The following TMEM132B variants were observed in gnomAD, a reference collection of about 807,000 sequenced individuals.
TMEM132B encodes the protein transmembrane protein 132B.
A neutral mutation model predicts 90.8 loss-of-function variants in TMEM132B; 18 were observed. The observed-to-expected ratio is 0.20, with a 90% CI of 0.14 to 0.29. The LOEUF (loss-of-function observed/expected upper bound fraction) is 0.29. Ranked by LOEUF, TMEM132B falls within the 10% of genes least tolerant of loss-of-function variation. TMEM132B has a pLI of 1.00. For missense variants in TMEM132B, 1,096 were observed against 1,326.8 expected (o/e 0.83, Z 2.70); for synonymous variants, 504 against 523.3 (o/e 0.96, Z 0.50).
chr12:125,283,431 G>C (rs1295587691), intron 1 of TMEM132B, among the ~76,000 whole-genome samples: 1 of 152,102 alleles, frequency 6.6e-6, no homozygotes, highest in Non-Finnish European at 1.5e-5. Flanking sequence ...TCCGTCTTCT[G>C]TTCCTGCTGT....
intron 4 of TMEM132B, among the ~76,000 whole-genome samples, chr12:125,554,610 A>G (rs1341806206): frequency 6.6e-6 from 1 of 152,000 alleles, no homozygotes; most frequent in African/African-American, 2.4e-5. Context: ...AATGCTGTGA[A>G]ATATCTCCAA....
chr12:125,330,487 G>C (rs1420527751), intron 1 of TMEM132B, among the ~76,000 whole-genome samples: 1 of 151,210 alleles, frequency 6.6e-6, no homozygotes, highest in Non-Finnish European at 1.5e-5. Flanking sequence ...AATTTACAAA[G>C]AAAGAAAAAA....
At chr12:125,540,625 A>G (rs1883928845) in intron 4 of TMEM132B, among the ~76,000 whole-genome samples, 1 of 152,194 alleles carries the variant, frequency 6.6e-6, no homozygotes, top group African/African-American at 2.4e-5. Context: ...TGTTATAGCC[A>G]CTGTGGCTAT....
chr12:125,591,240 A>G lies in TMEM132B; in HGVS notation c.1437+7246A>G, dbSNP rs114626815. 3.2e-3 allele frequency among the ~76,000 whole-genome samples: 483 copies of G among 152,312 alleles called. 2 individuals carry two copies. The highest frequency in any genetic ancestry group is 0.011 in the African/African-American group (467 of 41,568). On this transcript the variant is annotated intron_variant, in intron 5 of 8. Coordinates refer to ENST00000682704, the MANE Select transcript of TMEM132B (RefSeq NM_001366854.1). ...CAGTTCTGGAGGTCAGAAGTCTAAA[A>G]TAGGTCAGTACGGCTGCATTCCTTC... is the stretch of plus-strand genomic sequence containing the variant.
At chr12:125,401,621 C>T (rs546119443) in intron 2 of TMEM132B, among the ~76,000 whole-genome samples, 6 of 152,202 alleles carry the variant, frequency 3.9e-5, no homozygotes, top group African/African-American at 7.2e-5. Context: ...TTAGGAACCA[C>T]GAGGAGCCAG....
At chr12:125,488,779 T>A (rs967317845) in intron 3 of TMEM132B, among the ~76,000 whole-genome samples, 4 of 152,216 alleles carry the variant, frequency 2.6e-5, no homozygotes, top group African/African-American at 9.6e-5. Flanking sequence ...CTGGGAAGGT[T>A]TTTCTGGACT....
At chr12:125,563,594 C>A (rs1188804761) in intron 4 of TMEM132B, among the ~76,000 whole-genome samples, 1 of 149,624 alleles carries the variant, frequency 6.7e-6, no homozygotes, top group African/African-American at 2.5e-5. Context: ...AACAAACAAA[C>A]AAACAAAAAA....
intron 2 of TMEM132B, among the ~76,000 whole-genome samples, chr12:125,396,811 T>TA (rs1472240276): frequency 2.0e-5 from 3 of 152,140 alleles, no homozygotes; most frequent in Non-Finnish European, 4.4e-5. Context: ...ACCTGGCCAG[T>TA]ACTGTCATTA....
At chr12:125,449,274 A>G (rs1384328448) in intron 3 of TMEM132B, among the ~76,000 whole-genome samples, 1 of 152,094 alleles carries the variant, frequency 6.6e-6, no homozygotes, top group African/African-American at 2.4e-5. Context: ...GCCCATTCAT[A>G]TATCTTTGAG....
At chr12:125,439,726 G>A (rs1339900481) in intron 3 of TMEM132B, among the ~76,000 whole-genome samples, 1 of 152,204 alleles carries the variant, frequency 6.6e-6, no homozygotes. Flanking sequence ...TGGTGAAAGA[G>A]TGCATCCTTG....
In TMEM132B at chr12:125,251,620, T is replaced by A. The variant is rs1160130495; in HGVS notation, c.67+64754T>A. ...ATTATAAACTCAACGAGGCAACTGATACCCAGGCTCGGGGCTGCTGAGACA... is the reference window on the plus strand; with the variant it reads ...ATTATAAACTCAACGAGGCAACTGAAACCCAGGCTCGGGGCTGCTGAGACA... On this transcript the variant is annotated intron_variant, in intron 1 of 8. Transcript: ENST00000682704. This position sits in a 1 kb window ranked among gnomAD's most constrained non-coding sequence, Gnocchi z 4.4. Among the ~76,000 whole-genome samples, 1 of 152,182 alleles carries A rather than the reference T, an allele frequency of 6.6e-6. No individual in the cohort carries two copies. Among genetic ancestry groups the A allele is most frequent in the Non-Finnish European group, 1.5e-5 (1 of 68,040 alleles).
chr12:125,393,899 C>T (rs1454287259), intron 2 of TMEM132B, among the ~76,000 whole-genome samples: 2 of 152,196 alleles, frequency 1.3e-5, no homozygotes, highest in African/African-American at 4.8e-5. Context: ...TGTCTAATCT[C>T]CTACTGTCTC....
chr12:125,534,091 T>C (rs1566065931), intron 4 of TMEM132B, among the ~76,000 whole-genome samples: 1 of 152,214 alleles, frequency 6.6e-6, no homozygotes, highest in African/African-American at 2.4e-5. Context: ...ATATTCTGTG[T>C]GCTGGGTTTT....
At chr12:125,242,357 T>C (rs1200321423) in intron 1 of TMEM132B, among the ~76,000 whole-genome samples, 1 of 152,152 alleles carries the variant, frequency 6.6e-6, no homozygotes, top group Non-Finnish European at 1.5e-5. Flanking sequence ...TGCTATGTTT[T>C]CCAGGCTGGT....
chr12:125,345,301 C>G (rs967359866), intron 1 of TMEM132B, among the ~76,000 whole-genome samples: 2 of 152,174 alleles, frequency 1.3e-5, no homozygotes, highest in Non-Finnish European at 2.9e-5. Context: ...GGCAAGTTAG[C>G]TCCCAGACAT....
chr12:125,629,317 T>G (rs1287166732), intron 5 of TMEM132B, among the ~76,000 whole-genome samples: 1 of 152,134 alleles, frequency 6.6e-6, no homozygotes, highest in Non-Finnish European at 1.5e-5. Context: ...CTTTAATTTC[T>G]TTCATCAGTG....
At chr12:125,234,919 C>CAATGTAGTTGTGAGGAAGGGGTTG (rs1352742658) in intron 1 of TMEM132B, among the ~76,000 whole-genome samples, 4 of 152,098 alleles carry the variant, frequency 2.6e-5, no homozygotes, top group Admixed American at 1.3e-4. Flanking sequence ...GCATTGTGAA[C>CAATGTAGTTGTGAGGAAGGGGTTG]AATGTAGTTG....
At chr12:125,562,749 A>C (rs930509125) in intron 4 of TMEM132B, among the ~76,000 whole-genome samples, 1 of 152,122 alleles carries the variant, frequency 6.6e-6, no homozygotes. Context: ...TGGTTCTATA[A>C]GGGGAAACCC....
chr12:125,244,010 A>G (rs1448524788), intron 1 of TMEM132B, among the ~76,000 whole-genome samples: 2 of 152,052 alleles, frequency 1.3e-5, no homozygotes, highest in Non-Finnish European at 2.9e-5. Flanking sequence ...ATGGAATCAC[A>G]CACAATGCAG....
Sources: allele counts gnomAD v4.1 joint callset (sites outside exome capture counted in the v4.1 genomes callset), GRCh38; gene constraint gnomAD v4.1.1; non-coding constraint Gnocchi (gnomAD v3.1); transcripts MANE v1.5; gene names NCBI Gene and HGNC (gene_info 2026-07-23, HGNC 2026-07-21).